RPH3A: variants seen among roughly 807,000 people sequenced by gnomAD.
The protein encoded by RPH3A is rabphilin 3A.
A neutral mutation model predicts 102.2 loss-of-function variants in RPH3A; 48 were observed. The observed-to-expected ratio is 0.47, with a 90% CI of 0.37 to 0.60. RPH3A has a LOEUF of 0.60. RPH3A is among the 20% of genes least tolerant of loss of function. The probability of loss-of-function intolerance (pLI) is 0.00; values close to 1 mark genes in which losing one functional copy is unlikely to be tolerated. For synonymous variants in RPH3A, 310 were observed against 324.3 expected (o/e 0.96, Z 0.47); for missense variants, 781 against 910.1 (o/e 0.86, Z 1.83).
intron 2 of RPH3A, among the ~76,000 whole-genome samples, chr12:112,824,516 ATCTGCCGG>A (rs1367651285): frequency 6.6e-6 from 1 of 152,152 alleles, no homozygotes; most frequent in African/African-American, 2.4e-5. Context: ...TCCATCCCAG[ATCTGCCGG>A]TGGACACATG....
Position 112,879,176 on chromosome 12 carries a change from A to G in RPH3A, c.1229A>G (p.Gln410Arg), listed in dbSNP as rs775845098. 2 of 1,614,084 alleles carry G rather than the reference A, an allele frequency of 1.2e-6. No homozygotes were observed. Among genetic ancestry groups the G allele is most frequent in the Non-Finnish European group, 1.7e-6 (2 of 1,179,966 alleles). ...TACGACCAGGACAACAGCTCCCTGC[A>G]GTGCACCATCATTAAGGCCAAGGTG... ...LLYDQDNSSL[Q>R]CTIIKAKGLK... Residue 410 changes from glutamine (Q) to arginine (R), a missense_variant, in exon 14 of 22, where the codon CAG becomes CGG. Coordinates refer to ENST00000389385, the MANE Select transcript of RPH3A (RefSeq NM_001143854.2).
At position 112,636,518 on chromosome 12, in the gene RPH3A, G is replaced by T. The variant is rs76031142; in HGVS notation, c.-140+61199G>T. The stretch of plus-strand genomic sequence containing the variant: ...TAGGGAACATTCTTGGAATTTGATG[G>T]GTGGGGCCAGGTGTGCTAAACTTCC... On this transcript the variant is annotated intron_variant, in intron 1 of 21. Coordinates refer to the RPH3A transcript ENST00000543106. Among the ~76,000 whole-genome samples, 205 of 152,270 alleles carry T rather than the reference G, an allele frequency of 1.3e-3. 2 individuals carry two copies. The highest frequency in any genetic ancestry group is 4.8e-3 in the African/African-American group (201 of 41,534).
chr12:112,646,879 T>C (rs1398113349), intron 1 of RPH3A, among the ~76,000 whole-genome samples: 5 of 152,286 alleles, frequency 3.3e-5, no homozygotes, highest in Admixed American at 6.5e-5. Context: ...TGATGACCGA[T>C]GTGGAGATGA....
In RPH3A at chr12:112,791,895, A is replaced by AGAGAGAGAGAGAGAGAGAGG. The variant is rs1565882420; in HGVS notation, c.-247_-246insGAGAGAGAGGGAGAGAGAGA. On this transcript the variant is annotated 5_prime_UTR_variant, in exon 1 of 22. Transcript: ENST00000389385. ...GAGAGAGAGAGAGAGAGAGAGAGAG[A>AGAGAGAGAGAGAGAGAGAGG]GAGAGAGAGACTCACAGAGCTAAAA... 1 of 150,700 alleles carries AGAGAGAGAGAGAGAGAGAGG rather than the reference A, an allele frequency of 6.6e-6. No individual in the cohort carries two copies. The highest frequency in any genetic ancestry group is 2.5e-5 in the African/African-American group (1 of 40,566). 9.3% of individuals were successfully genotyped at this position (150,700 alleles called of 1,614,324 possible). A position where few individuals can be genotyped will look rare whatever the true frequency, so the allele number is the denominator to read the frequency against.
intron 1 of RPH3A, among the ~76,000 whole-genome samples, chr12:112,634,050 T>TA (rs1200005526): frequency 6.6e-6 from 1 of 152,124 alleles, no homozygotes. Context: ...AATGCCAATT[T>TA]AAAAAATAAA....
chr12:112,673,000 G>A (rs12306628), intron 1 of RPH3A, among the ~76,000 whole-genome samples: 14 of 151,916 alleles, frequency 9.2e-5, no homozygotes, highest in Non-Finnish European at 1.5e-4. Context: ...TTTCTTTGAG[G>A]TATGTCCTAC....
rs563582204 is a variant in RPH3A, at chr12:112,753,622, T to C, written c.-139-38521T>C. Among the ~76,000 whole-genome samples, 12 of 152,332 alleles carry C rather than the reference T, an allele frequency of 7.9e-5. No individual in the cohort carries two copies. In the South Asian group the frequency reaches 2.5e-3, roughly 32 times the overall value. Reference sequence around the variant, plus strand: ...CCTGATCTGCAGAGAAGTATGCTCCTTTCTCTTGTTAGACCCAGGAAGGCC... The same window carrying C: ...CCTGATCTGCAGAGAAGTATGCTCCCTTCTCTTGTTAGACCCAGGAAGGCC... On this transcript the variant is annotated intron_variant, in intron 1 of 21. Transcript: ENST00000543106.
intron 1 of RPH3A, among the ~76,000 whole-genome samples, chr12:112,737,907 T>A (rs1465815189): frequency 6.6e-6 from 1 of 152,210 alleles, no homozygotes; most frequent in African/African-American, 2.4e-5. Flanking sequence ...TGTCTTACTT[T>A]CCTGAGGCTG....
chr12:112,598,542 G>A (rs1345954535), intron 1 of RPH3A, among the ~76,000 whole-genome samples: 4 of 152,080 alleles, frequency 2.6e-5, no homozygotes, highest in African/African-American at 4.8e-5. Context: ...ACAGACCACC[G>A]CCTTTTGAGA....
chr12:112,784,000 A>G (rs2041026902), intron 1 of RPH3A, among the ~76,000 whole-genome samples: 1 of 152,162 alleles, frequency 6.6e-6, no homozygotes. Flanking sequence ...GAGTGCTTTG[A>G]AAGACCTATC....
chr12:112,645,019 C>T (rs552094617), intron 1 of RPH3A, among the ~76,000 whole-genome samples: 4 of 152,140 alleles, frequency 2.6e-5, no homozygotes, highest in South Asian at 2.1e-4. Context: ...ATGCCAGAGA[C>T]GATAAATTTT....
chr12:112,896,992 C>T lies in RPH3A; in HGVS notation c.*212C>T, dbSNP rs901165063. 2 of 547,180 alleles carry T rather than the reference C, an allele frequency of 3.7e-6. No homozygotes were observed. The highest frequency in any genetic ancestry group is 3.1e-5 in the Admixed American group (1 of 32,578). The allele number at this position is 547,180 out of a possible 1,614,324, so 33.9% of individuals were successfully genotyped here. On this transcript the variant is annotated 3_prime_UTR_variant, in exon 22 of 22. Coordinates refer to ENST00000389385, the MANE Select transcript of RPH3A (RefSeq NM_001143854.2). ...GATGTGGGCTCTGAATACAGCCCCT[C>T]TCTCATCCCTGGGATGGAGCAATGG... is the stretch of plus-strand genomic sequence containing the variant.
intron 1 of RPH3A, among the ~76,000 whole-genome samples, chr12:112,758,953 T>G (rs922927843): frequency 2.0e-5 from 3 of 152,190 alleles, no homozygotes; most frequent in Admixed American, 1.3e-4. Context: ...ATAAATCCTC[T>G]TAATAAAAAG....
At chr12:112,599,267 T>C (rs77063091) in intron 1 of RPH3A, among the ~76,000 whole-genome samples, 3,448 of 152,284 alleles carry the variant, frequency 0.023, 139 homozygotes, top group African/African-American at 0.078. Context: ...TTATAAGGCT[T>C]ATGAGGGCCT....
At chr12:112,598,494 A>ACAT (rs1412524723) in intron 1 of RPH3A, among the ~76,000 whole-genome samples, 2 of 152,220 alleles carry the variant, frequency 1.3e-5, no homozygotes, top group Non-Finnish European at 2.9e-5. Flanking sequence ...TCTGATTTAT[A>ACAT]CATCATACTC....
chr12:112,703,843 G>A (rs1052416869), intron 1 of RPH3A, among the ~76,000 whole-genome samples: 14 of 152,098 alleles, frequency 9.2e-5, no homozygotes, highest in Non-Finnish European at 8.8e-5. Flanking sequence ...TCATTCAGCC[G>A]CCCTACTATT....
intron 1 of RPH3A, among the ~76,000 whole-genome samples, chr12:112,601,482 A>G (rs2039559012): frequency 6.6e-6 from 1 of 152,164 alleles, no homozygotes; most frequent in Non-Finnish European, 1.5e-5. Context: ...TGAGTGAGCC[A>G]GGGCTCTGTG....
At chr12:112,861,462 C>T (rs1041127119) in intron 5 of RPH3A, among the ~76,000 whole-genome samples, 11 of 152,252 alleles carry the variant, frequency 7.2e-5, no homozygotes, top group Middle Eastern at 3.4e-3. Flanking sequence ...GCAGGGAAAT[C>T]GAGCAGGGTG....
chr12:112,697,273 G>T (rs1235925201), intron 1 of RPH3A, among the ~76,000 whole-genome samples: 2 of 152,066 alleles, frequency 1.3e-5, no homozygotes, highest in African/African-American at 2.4e-5. Flanking sequence ...ATTTAGCAAG[G>T]TTGCAGGATA....
Sources: gnomAD v4.1 joint callset for allele counts (sites outside exome capture counted in the v4.1 genomes callset) on GRCh38, gnomAD v4.1.1 for gene constraint, MANE v1.5 for transcripts, NCBI Gene and HGNC (gene_info 2026-07-23, HGNC 2026-07-21) for gene names.